Variants in DYM observed in about 807,000 individuals in gnomAD.
DYM encodes dyggve-Melchior-Clausen syndrome protein.
DYM carries 78 observed loss-of-function variants against 93.1 expected under a neutral mutation model. The ratio of observed to expected loss-of-function variants is 0.84; its 90% CI spans 0.70 to 1.01. The LOEUF (loss-of-function observed/expected upper bound fraction) is 1.01. Among genes scored for constraint, DYM ranks in the 50% least tolerant of loss-of-function variants. The probability of loss-of-function intolerance (pLI) is 0.00; values close to 1 mark genes in which losing one functional copy is unlikely to be tolerated. For missense variants in DYM, 789 were observed against 845.0 expected (o/e 0.93, Z 0.82); for synonymous variants, 321 against 319.7 (o/e 1.00, Z -0.04).
intron 17 of DYM, among the ~76,000 whole-genome samples, chr18:49,086,991 A>G (rs1043605661): frequency 6.6e-6 from 1 of 152,006 alleles, no homozygotes; most frequent in Non-Finnish European, 1.5e-5. Flanking sequence ...CATGTCAAAA[A>G]ATAAAAATAA....
Position 49,426,485 on chromosome 18 carries a change from C to T in DYM, c.140+3770G>A, listed in dbSNP as rs183741037. Among the ~76,000 whole-genome samples the T allele has an allele frequency of 3.9e-3, 593 of 151,518 alleles. 3 individuals are homozygous for T. The highest frequency in any genetic ancestry group is 0.014 in the African/African-American group (574 of 41,244). ...GGGTGCAGCACATCAACATGGCACA[C>T]GTATACATATGTAACAAACCTGCAT... is the stretch of plus-strand genomic sequence containing the variant. On this transcript the variant is annotated intron_variant, in intron 2 of 17. Transcript: ENST00000675505.
At chr18:49,175,924 C>T (rs750093393) in intron 14 of DYM, among the ~76,000 whole-genome samples, 16 of 152,052 alleles carry the variant, frequency 1.1e-4, no homozygotes, top group Non-Finnish European at 2.1e-4. Flanking sequence ...CTGGAGAAGC[C>T]AATCCTAGAA....
chr18:49,281,970 G>T (rs368610649), intron 10 of DYM, 27 bp downstream of exon 10: 22 of 1,603,046 alleles, frequency 1.4e-5, no homozygotes, highest in East Asian at 1.1e-4. Flanking sequence ...AAATACAAAC[G>T]CATGGAATGT....
intron 13 of DYM, among the ~76,000 whole-genome samples, chr18:49,234,381 C>T (rs541994572): frequency 9.9e-5 from 15 of 151,328 alleles, no homozygotes; most frequent in African/African-American, 1.5e-4. Context: ...TGCTTGAGCC[C>T]GGGAAGGGGA....
chr18:49,044,318 T>A, intron 17 of DYM, 114 bp from the exon 18 acceptor site: 4 of 1,122,982 alleles, frequency 3.6e-6, no homozygotes, highest in Non-Finnish European at 5.4e-6. Context: ...CCCTGCCAAC[T>A]GGTCACAGGG....
intron 17 of DYM, among the ~76,000 whole-genome samples, chr18:49,084,379 G>A (rs2078313710): frequency 6.6e-6 from 1 of 152,064 alleles, no homozygotes; most frequent in African/African-American, 2.4e-5. Context: ...CCCAGCACAT[G>A]GTCTATCCTG....
At chr18:49,443,265 C>T (rs1444478130) in intron 1 of DYM, among the ~76,000 whole-genome samples, 1 of 152,148 alleles carries the variant, frequency 6.6e-6, no homozygotes, top group African/African-American at 2.4e-5. Context: ...CAGCCATGCT[C>T]ATTTGTTTAC....
At position 49,331,873 on chromosome 18, in the gene DYM, C is replaced by T; in HGVS notation, c.754G>A (p.Gly252Arg). 1 of 1,614,084 alleles carries T rather than the reference C, an allele frequency of 6.2e-7. No homozygotes were observed. The highest frequency in any genetic ancestry group is 8.5e-7 in the Non-Finnish European group (1 of 1,179,982). Reference sequence around the variant, plus strand: ...ATCTGATAAAACTTACTTGCTACTCCTGATGCAAGTCCATAAAGCAGTCCT... The same window carrying T: ...ATCTGATAAAACTTACTTGCTACTCTTGATGCAAGTCCATAAAGCAGTCCT... ...GGGLLYGLAS[G>R]VATGLWTVFT... The change falls in exon 8 of 18, where the codon GGA becomes AGA. Residue 252 changes from glycine to arginine, a missense_variant. Physicochemically the swap from Gly to Arg is moderately radical, Grantham distance 125. This residue lies in a region of DYM where 450 missense variants were observed against 436.2 expected (regional missense o/e 1.03). Transcript: ENST00000675505.
At chr18:49,136,590 G>C (rs1035784441) in intron 15 of DYM, among the ~76,000 whole-genome samples, 6 of 152,142 alleles carry the variant, frequency 3.9e-5, no homozygotes, top group African/African-American at 1.2e-4. Context: ...AATTTCTTTG[G>C]AAGAGACAAA....
chr18:49,167,007 TGTGTGTG>T (rs2087974131), intron 14 of DYM, among the ~76,000 whole-genome samples: 2 of 149,708 alleles, frequency 1.3e-5, no homozygotes, highest in Non-Finnish European at 3.0e-5. Context: ...TGTGTGTGTG[TGTGTGTG>T]TGTGTGTGTG....
At chr18:49,176,228 A>T (rs2089356376) in intron 14 of DYM, among the ~76,000 whole-genome samples, 1 of 152,158 alleles carries the variant, frequency 6.6e-6, no homozygotes, top group African/African-American at 2.4e-5. Context: ...ATTACTGATA[A>T]AATATGTTGA....
chr18:49,350,726 G>GAAAAAAAAAAAAA (rs72289769), intron 6 of DYM, among the ~76,000 whole-genome samples: 4 of 119,928 alleles, frequency 3.3e-5, no homozygotes, highest in Non-Finnish European at 5.4e-5. Context: ...GAAAAAAAAA[G>GAAAAAAAAAAAAA]AAAAAAAAAA....
rs999387074 is a variant in DYM at position 49,420,172 on chromosome 18, T to G, written c.140+10083A>C. ...TAAACTAAGTTAAAATTCGTTTTTT[T>G]TTTTTTTTTTTTGAGATGGAGTCTT... On this transcript the variant is annotated intron_variant, in intron 2 of 17. Transcript: ENST00000675505. Among the ~76,000 whole-genome samples, 3 of 150,098 alleles carry G rather than the reference T, an allele frequency of 2.0e-5. No individual in the cohort carries two copies. In the Admixed American group the frequency reaches 2.0e-4, roughly 10 times the overall value.
At chr18:49,220,966 G>A (rs1472273020) in intron 13 of DYM, among the ~76,000 whole-genome samples, 4 of 152,106 alleles carry the variant, frequency 2.6e-5, no homozygotes, top group African/African-American at 7.2e-5. Flanking sequence ...GAGTGAACAG[G>A]CAACCTAGAG....
intron 6 of DYM, among the ~76,000 whole-genome samples, chr18:49,337,978 G>T (rs1181389302): frequency 8.5e-5 from 13 of 152,076 alleles, no homozygotes; most frequent in Non-Finnish European, 5.9e-5. Context: ...GGGGGAAAGG[G>T]GTGGGAGCAA....
At chr18:49,449,589 A>C (rs1054504449) in intron 1 of DYM, among the ~76,000 whole-genome samples, 6 of 152,206 alleles carry the variant, frequency 3.9e-5, no homozygotes, top group African/African-American at 1.4e-4. Context: ...TGGGAAGGGA[A>C]CCCAGAAGCC....
intron 6 of DYM, among the ~76,000 whole-genome samples, chr18:49,361,692 CA>C (rs1220381900): frequency 6.6e-6 from 1 of 151,996 alleles, no homozygotes; most frequent in African/African-American, 2.4e-5. Context: ...CAAGGCTTCT[CA>C]GGGGGACAAT....
At chr18:49,073,282 C>T (rs764097904) in intron 17 of DYM, among the ~76,000 whole-genome samples, 11 of 152,064 alleles carry the variant, frequency 7.2e-5, no homozygotes, top group Non-Finnish European at 1.6e-4. Context: ...TATATTTATG[C>T]CTAAAAATTT....
intron 6 of DYM, among the ~76,000 whole-genome samples, chr18:49,362,461 A>G (rs993445561): frequency 6.6e-6 from 1 of 152,170 alleles, no homozygotes; most frequent in Admixed American, 6.5e-5. Context: ...GTCACATGAG[A>G]AGTCCAGGAT....
Sources: allele counts gnomAD v4.1 joint callset (sites outside exome capture counted in the v4.1 genomes callset), GRCh38; gene constraint gnomAD v4.1.1; regional missense constraint gnomAD v4.1.1; transcripts MANE v1.5; gene names NCBI Gene and HGNC (gene_info 2026-07-23, HGNC 2026-07-21).